The following CFAP263 variants were observed in gnomAD, a reference collection of about 807,000 sequenced individuals.
CFAP263 encodes cilia and flagella associated protein 263.
the CFAP263 span, among the ~76,000 whole-genome samples, chr16:58,277,951 G>T: frequency 6.6e-6 from 1 of 152,134 alleles, no homozygotes; most frequent in Non-Finnish European, 1.5e-5. Context: ...ATTGTATAAT[G>T]GGTACAGAAT....
At chr16:58,279,708 T>C in the CFAP263 span, 50 of 1,609,776 alleles carry the variant, frequency 3.1e-5, no homozygotes, top group African/African-American at 5.2e-4. Context: ...TAAAAGGCCA[T>C]CGTAAGGCTT....
chr16:58,255,184 C>T, the CFAP263 span, among the ~76,000 whole-genome samples: 1 of 152,166 alleles, frequency 6.6e-6, no homozygotes, highest in Non-Finnish European at 1.5e-5. Context: ...CCCTAGAGCC[C>T]CCAGGAAGCT....
chr16:58,249,967 C>A, the CFAP263 span: 1 of 1,317,616 alleles, frequency 7.6e-7, no homozygotes, highest in African/African-American at 1.5e-5. Flanking sequence ...CGCCGGCACC[C>A]GGAGCTCCTG....
the CFAP263 span, among the ~76,000 whole-genome samples, chr16:58,274,810 A>G: frequency 1.3e-5 from 2 of 152,226 alleles, no homozygotes; most frequent in Non-Finnish European, 2.9e-5. Context: ...CTCCCTGGGC[A>G]AAACTTCTGC....
At chr16:58,270,835 A>C in the CFAP263 span, among the ~76,000 whole-genome samples, 1 of 152,188 alleles carries the variant, frequency 6.6e-6, no homozygotes, top group African/African-American at 2.4e-5. Context: ...AAAGGAGATG[A>C]AATATGTTTA....
At chr16:58,265,806 C>T in the CFAP263 span, among the ~76,000 whole-genome samples, 2 of 152,214 alleles carry the variant, frequency 1.3e-5, no homozygotes, top group African/African-American at 2.4e-5. Context: ...CTTGACTCAG[C>T]ATCACCAATT....
the CFAP263 span, chr16:58,280,574 G>T: frequency 6.2e-7 from 1 of 1,614,058 alleles, no homozygotes; most frequent in African/African-American, 1.3e-5. Context: ...TTTTCCCAGT[G>T]GTGGAGTGAG....
the CFAP263 span, chr16:58,262,601 A>G: frequency 5.4e-6 from 8 of 1,470,674 alleles, no homozygotes; most frequent in Non-Finnish European, 6.5e-6. Flanking sequence ...CTTTCTGGCC[A>G]CAGGGAGGTT....
the CFAP263 span, chr16:58,254,122 C>T: frequency 1.1e-5 from 18 of 1,614,126 alleles, 1 homozygote; most frequent in South Asian, 2.0e-4. Context: ...TTACGACACA[C>T]AAGGGCAAAT....
chr16:58,254,631 G>A, the CFAP263 span, among the ~76,000 whole-genome samples: 8 of 149,544 alleles, frequency 5.3e-5, no homozygotes, highest in Non-Finnish European at 1.2e-4. Flanking sequence ...TTGAGGTGGA[G>A]TCTCGCTCTG....
the CFAP263 span, among the ~76,000 whole-genome samples, chr16:58,262,187 G>A: frequency 6.6e-6 from 1 of 151,878 alleles, no homozygotes; most frequent in Non-Finnish European, 1.5e-5. Context: ...CTGGGGCCAG[G>A]GAACATTGTA....
chr16:58,272,037 C>G, the CFAP263 span, among the ~76,000 whole-genome samples: 1 of 145,540 alleles, frequency 6.9e-6, no homozygotes, highest in African/African-American at 2.6e-5. Flanking sequence ...TTTTTTGAGA[C>G]AGAGTCTCAC....
chr16:58,280,758 C>A, the CFAP263 span: 1 of 1,596,888 alleles, frequency 6.3e-7, no homozygotes, highest in Non-Finnish European at 8.6e-7. Context: ...CTGGGTCCCC[C>A]TGTGATAAAA....
At chr16:58,255,572 CTT>C in the CFAP263 span, among the ~76,000 whole-genome samples, 26 of 140,836 alleles carry the variant, frequency 1.8e-4, no homozygotes, top group Admixed American at 2.8e-4. Flanking sequence ...GCATTTCTTT[CTT>C]TTTTTTTTTT....
At chr16:58,278,392 G>A in the CFAP263 span, 1 of 1,158,076 alleles carries the variant, frequency 8.6e-7, no homozygotes, top group Non-Finnish European at 1.2e-6. Context: ...GAACTCTATT[G>A]GAACTATGGG....
the CFAP263 span, among the ~76,000 whole-genome samples, chr16:58,270,803 G>T: frequency 6.6e-6 from 1 of 152,068 alleles, no homozygotes; most frequent in African/African-American, 2.4e-5. Context: ...GTGTGAGCGA[G>T]GATTTCAAAA....
the CFAP263 span, among the ~76,000 whole-genome samples, chr16:58,276,313 C>T: frequency 3.3e-5 from 5 of 152,130 alleles, no homozygotes; most frequent in African/African-American, 1.2e-4. Context: ...GAGGGAAAAC[C>T]GGCAGTCTCA....
chr16:58,280,138 C>G, the CFAP263 span: 8 of 1,402,490 alleles, frequency 5.7e-6, no homozygotes, highest in South Asian at 2.7e-5. Context: ...GTGCAACTAT[C>G]AAAAACAGAC....
the CFAP263 span, among the ~76,000 whole-genome samples, chr16:58,274,154 C>G: frequency 6.6e-6 from 1 of 152,224 alleles, no homozygotes; most frequent in Admixed American, 6.5e-5. Context: ...AGTCAGAACC[C>G]TTTGCAGGGG....
Sources: allele counts gnomAD v4.1 joint callset (sites outside exome capture counted in the v4.1 genomes callset), GRCh38; gene constraint gnomAD v4.1.1; transcripts MANE v1.5; gene names NCBI Gene and HGNC (gene_info 2026-07-23, HGNC 2026-07-21).